The following KCNMB2 variants were observed in gnomAD, a reference collection of about 807,000 sequenced individuals.
KCNMB2 encodes the protein potassium calcium-activated channel subfamily M regulatory beta subunit 2, also known as calcium-activated potassium channel subunit beta-2.
KCNMB2 carries 9 observed loss-of-function variants against 24.5 expected under a neutral mutation model. The observed-to-expected ratio is 0.37, with a 90% CI of 0.22 to 0.64. The LOEUF (loss-of-function observed/expected upper bound fraction) is 0.64. Ranked by LOEUF, KCNMB2 falls within the 30% of genes least tolerant of loss-of-function variation. The pLI is 0.63. For missense variants in KCNMB2, 226 were observed against 284.3 expected, an observed-to-expected ratio of 0.79 and a Z score of 1.47; for synonymous variants, 109 against 104.4, an observed-to-expected ratio of 1.04 and a Z score of -0.27.
At chr3:178,596,723 C>T (rs1388003182) in intron 1 of KCNMB2, among the ~76,000 whole-genome samples, 2 of 151,542 alleles carry the variant, frequency 1.3e-5, no homozygotes, top group Non-Finnish European at 2.9e-5. Context: ...AATTGCCAAA[C>T]CCTGATACAA....
intron 1 of KCNMB2, chr3:178,748,363 T>C (rs760695146): frequency 1.3e-5 from 2 of 152,234 alleles, no homozygotes; most frequent in Non-Finnish European, 2.9e-5. Flanking sequence ...CCTGCTTATG[T>C]CCTAAGAAGG....
chr3:178,674,890 A>T (rs1721020989), intron 1 of KCNMB2, among the ~76,000 whole-genome samples: 1 of 152,170 alleles, frequency 6.6e-6, no homozygotes. Context: ...AGAGGGCTTT[A>T]TTCTCTTTGC....
chr3:178,780,044 T>A (rs1267733431), intron 1 of KCNMB2, among the ~76,000 whole-genome samples: 4 of 133,192 alleles, frequency 3.0e-5, no homozygotes, highest in African/African-American at 1.2e-4. Context: ...ACCAATTAGT[T>A]GTTTTTTTTA....
intron 1 of KCNMB2, among the ~76,000 whole-genome samples, chr3:178,781,423 C>A (rs1045757775): frequency 1.3e-5 from 2 of 151,706 alleles, no homozygotes; most frequent in African/African-American, 4.8e-5. Flanking sequence ...GAAACCCCGT[C>A]TCTACTAAAA....
At chr3:178,777,303 C>T (rs540568100) in intron 1 of KCNMB2, among the ~76,000 whole-genome samples, 6 of 152,082 alleles carry the variant, frequency 3.9e-5, no homozygotes, top group East Asian at 1.9e-4. Context: ...GGTGTGATGA[C>T]GGGCGCCTGT....
intron 1 of KCNMB2, among the ~76,000 whole-genome samples, chr3:178,546,647 T>G: frequency 6.6e-6 from 1 of 151,900 alleles, no homozygotes; most frequent in East Asian, 1.9e-4. Context: ...AGAGCAAGAG[T>G]CAGCAGCATG....
rs183265920 is a variant in KCNMB2, at chr3:178,737,349, T to A, written c.-67-69994T>A. 2.6e-5 allele frequency among the ~76,000 whole-genome samples: 4 copies of A among 152,342 alleles called. No individual in the cohort carries two copies. The East Asian group carries it at 7.7e-4, about 29-fold the overall frequency. ...AACCACTAATGGTGCTAGGTATGCC[T>A]TTCAGAATGCAAGAATAAAAACAGG... On this transcript the variant is annotated intron_variant, in intron 1 of 4. Transcript: ENST00000452583.
At chr3:178,814,686 T>C (rs921057437) in intron 2 of KCNMB2, among the ~76,000 whole-genome samples, 1 of 152,204 alleles carries the variant, frequency 6.6e-6, no homozygotes, top group African/African-American at 2.4e-5. Flanking sequence ...CATGGTCTCA[T>C]TGTGGTCTTA....
At chr3:178,646,792 C>T (rs1719939290) in intron 1 of KCNMB2, among the ~76,000 whole-genome samples, 1 of 152,136 alleles carries the variant, frequency 6.6e-6, no homozygotes, top group Admixed American at 6.6e-5. Context: ...AACATTTATC[C>T]TCCACTCAAT....
intron 1 of KCNMB2, among the ~76,000 whole-genome samples, chr3:178,751,346 C>A (rs1469746168): frequency 6.6e-6 from 1 of 151,888 alleles, no homozygotes; most frequent in Non-Finnish European, 1.5e-5. Context: ...TTTGAGAGGC[C>A]AAGGCAGGTG....
chr3:178,584,751 T>A (rs1717362713), intron 1 of KCNMB2, among the ~76,000 whole-genome samples: 1 of 152,294 alleles, frequency 6.6e-6, no homozygotes, highest in Admixed American at 6.5e-5. Context: ...TCCCTATTTC[T>A]TTATTTTGGA....
chr3:178,656,999 A>G (rs918092055), intron 1 of KCNMB2, among the ~76,000 whole-genome samples: 1 of 152,120 alleles, frequency 6.6e-6, no homozygotes, highest in African/African-American at 2.4e-5. Flanking sequence ...TTATTGATTG[A>G]GCACCTACTA....
chr3:178,764,713 T>G (rs1712045370), intron 1 of KCNMB2, among the ~76,000 whole-genome samples: 1 of 152,216 alleles, frequency 6.6e-6, no homozygotes. Context: ...CTGTTAAGAC[T>G]GGTGTGATTG....
At chr3:178,840,333 G>A (rs1459355837) in intron 4 of KCNMB2, among the ~76,000 whole-genome samples, 1 of 152,194 alleles carries the variant, frequency 6.6e-6, no homozygotes, top group Non-Finnish European at 1.5e-5. Flanking sequence ...GGCTCTGAGT[G>A]CCTGCAGCTT....
intron 1 of KCNMB2, among the ~76,000 whole-genome samples, chr3:178,566,028 T>C (rs1716504864): frequency 6.6e-6 from 1 of 152,212 alleles, no homozygotes; most frequent in Non-Finnish European, 1.5e-5. Context: ...GGCAGATTCT[T>C]ACTGGCAAGG....
intron 1 of KCNMB2, among the ~76,000 whole-genome samples, chr3:178,797,913 C>T (rs1392969907): frequency 1.3e-5 from 2 of 151,244 alleles, no homozygotes; most frequent in East Asian, 3.9e-4. Flanking sequence ...AATGGGAGTT[C>T]ATTTATGATT....
At chr3:178,702,561 C>T (rs1722139378) in intron 1 of KCNMB2, among the ~76,000 whole-genome samples, 1 of 152,036 alleles carries the variant, frequency 6.6e-6, no homozygotes, top group African/African-American at 2.4e-5. Context: ...AAGGTCCTCC[C>T]CTACAGGATT....
At chr3:178,716,903 C>T (rs1722636213) in intron 1 of KCNMB2, among the ~76,000 whole-genome samples, 1 of 152,042 alleles carries the variant, frequency 6.6e-6, no homozygotes, top group African/African-American at 2.4e-5. Context: ...CTTCTTTCTC[C>T]AGGATATCAT....
chr3:178,790,211 T>A (rs1713268009), intron 1 of KCNMB2, among the ~76,000 whole-genome samples: 2 of 151,994 alleles, frequency 1.3e-5, no homozygotes, highest in African/African-American at 4.8e-5. Flanking sequence ...GTAGGATTTA[T>A]CACCTGCTGA....
Sources: allele counts gnomAD v4.1 joint callset (sites outside exome capture counted in the v4.1 genomes callset), GRCh38; gene constraint gnomAD v4.1.1; transcripts MANE v1.5; gene names NCBI Gene and HGNC (gene_info 2026-07-23, HGNC 2026-07-21).